Variants in DCC observed in about 807,000 individuals in gnomAD.
The protein encoded by DCC is DCC netrin 1 receptor.
A neutral mutation model predicts 172.5 loss-of-function variants in DCC; 58 were observed. That is an observed-to-expected ratio of 0.34 (90% confidence interval 0.27 to 0.42). DCC has a LOEUF of 0.42. DCC is among the 10% of genes least tolerant of loss of function. DCC has a pLI of 1.00. For missense variants in DCC, 1,740 were observed against 1,791.0 expected, an observed-to-expected ratio of 0.97 and a Z score of 0.51; for synonymous variants, 709 against 644.5, an observed-to-expected ratio of 1.10 and a Z score of -1.52.
At chr18:52,991,265 T>C (rs2041386191) in intron 5 of DCC, among the ~76,000 whole-genome samples, 1 of 152,090 alleles carries the variant, frequency 6.6e-6, no homozygotes, top group Non-Finnish European at 1.5e-5. Flanking sequence ...TAAATTTATC[T>C]TTTTTTGTTT....
intron 2 of DCC, among the ~76,000 whole-genome samples, chr18:52,790,935 T>C (rs2037753721): frequency 6.6e-6 from 1 of 152,178 alleles, no homozygotes; most frequent in Non-Finnish European, 1.5e-5. Flanking sequence ...TTTACTTGCC[T>C]AAGGTCCTGC....
At chr18:52,369,021 C>T (rs545096996) in intron 1 of DCC, among the ~76,000 whole-genome samples, 3 of 152,140 alleles carry the variant, frequency 2.0e-5, no homozygotes, top group African/African-American at 4.8e-5. Context: ...GTTATAGTAT[C>T]GGAGAGACTG....
At chr18:53,076,877 T>G (rs561505169) in intron 7 of DCC, among the ~76,000 whole-genome samples, 1 of 152,230 alleles carries the variant, frequency 6.6e-6, no homozygotes, top group Admixed American at 6.5e-5. Context: ...CAGCTTCTGG[T>G]GAGTAGCAGA....
intron 1 of DCC, among the ~76,000 whole-genome samples, chr18:52,581,397 C>A (rs536586584): frequency 1.5e-4 from 23 of 152,222 alleles, no homozygotes; most frequent in African/African-American, 5.3e-4. Flanking sequence ...TGAGAAAGAA[C>A]TTTACAACCT....
intron 1 of DCC, among the ~76,000 whole-genome samples, chr18:52,394,240 A>G (rs1442526766): frequency 1.3e-5 from 2 of 151,964 alleles, no homozygotes; most frequent in Admixed American, 6.6e-5. Flanking sequence ...TTACTTGAAT[A>G]CTATTTGCAA....
At chr18:52,404,550 T>C (rs543063634) in intron 1 of DCC, among the ~76,000 whole-genome samples, 3 of 152,162 alleles carry the variant, frequency 2.0e-5, no homozygotes, top group African/African-American at 7.2e-5. Flanking sequence ...TAAACCTGTA[T>C]GCAGAAATAC....
intron 2 of DCC, among the ~76,000 whole-genome samples, chr18:52,887,338 T>C (rs1180165842): frequency 3.3e-5 from 5 of 152,124 alleles, no homozygotes; most frequent in African/African-American, 1.2e-4. Context: ...TCAACATGTA[T>C]TTGCAGAAAT....
chr18:52,452,591 G>A lies in DCC; in HGVS notation c.91+111713G>A, dbSNP rs536011448. 1.9e-4 allele frequency among the ~76,000 whole-genome samples: 29 copies of A among 152,284 alleles called. 1 individual carries two copies. The highest frequency in any genetic ancestry group is 3.4e-3 in the Middle Eastern group (1 of 294). The stretch of plus-strand genomic sequence containing the variant: ...CAGAGCATCACTGTTCCAACAATGG[G>A]TGAACGTGAGCTGCCGTTGTTGCCA... On this transcript the variant is annotated intron_variant, in intron 1 of 28. Transcript: ENST00000442544.
At chr18:52,541,070 G>A (rs1406493352) in intron 1 of DCC, among the ~76,000 whole-genome samples, 3 of 152,158 alleles carry the variant, frequency 2.0e-5, no homozygotes, top group African/African-American at 7.2e-5. Context: ...TAGCTATCCG[G>A]TAAGCTAAGT....
intron 1 of DCC, among the ~76,000 whole-genome samples, chr18:52,717,892 C>T (rs1457747601): frequency 6.6e-6 from 1 of 152,108 alleles, no homozygotes; most frequent in African/African-American, 2.4e-5. Context: ...CTGAAAGATA[C>T]ATTTAAAAAT....
chr18:52,896,737 T>C (rs1230907424), intron 2 of DCC, among the ~76,000 whole-genome samples: 1 of 152,150 alleles, frequency 6.6e-6, no homozygotes, highest in Admixed American at 6.5e-5. Context: ...AAGATATTGA[T>C]GGGACAAGCC....
intron 7 of DCC, among the ~76,000 whole-genome samples, chr18:53,130,952 C>T (rs759241490): frequency 2.0e-5 from 3 of 151,844 alleles, no homozygotes; most frequent in East Asian, 1.9e-4. Flanking sequence ...GGCTTGAGGG[C>T]GATCGAATTA....
At chr18:53,386,911 A>C (rs1037195465) in intron 16 of DCC, among the ~76,000 whole-genome samples, 5 of 152,214 alleles carry the variant, frequency 3.3e-5, no homozygotes, top group African/African-American at 1.2e-4. Context: ...GTCCCTGGAA[A>C]GTCACTTGAC....
intron 1 of DCC, among the ~76,000 whole-genome samples, chr18:52,595,884 T>C (rs1011718080): frequency 1.3e-5 from 2 of 152,304 alleles, no homozygotes; most frequent in Non-Finnish European, 2.9e-5. Flanking sequence ...AGACCAAAAC[T>C]TCTGAGTTAC....
At chr18:52,835,621 A>G (rs774163948) in intron 2 of DCC, among the ~76,000 whole-genome samples, 5 of 152,240 alleles carry the variant, frequency 3.3e-5, no homozygotes, top group Admixed American at 6.5e-5. Context: ...ACTTTAGCAA[A>G]TTGAAATGGC....
intron 27 of DCC, among the ~76,000 whole-genome samples, chr18:53,509,383 A>G (rs980067059): frequency 3.3e-5 from 5 of 152,244 alleles, no homozygotes; most frequent in African/African-American, 1.2e-4. Context: ...GGACATGGCT[A>G]TCAAAAGCAG....
At chr18:52,879,438 T>TTTTTTTTTTTTTTTA (rs2039450932) in intron 2 of DCC, among the ~76,000 whole-genome samples, 1 of 114,090 alleles carries the variant, frequency 8.8e-6, no homozygotes, top group Non-Finnish European at 1.9e-5. Flanking sequence ...TTTTTTTTTT[T>TTTTTTTTTTTTTTTA]TTTGAGATGG....
rs115956542 is a variant in DCC at position 52,395,626 on chromosome 18, C to A, written c.91+54748C>A. On this transcript the variant is annotated intron_variant, in intron 1 of 28. Transcript: ENST00000442544. ...GTGTGATTCTAAGCAGATATGAAGT[C>A]CAGCTGAGAAGCCAGTCAAACTGAT... 8.2e-3 allele frequency among the ~76,000 whole-genome samples: 1,251 copies of A among 152,094 alleles called. 18 individuals carry two copies. The highest frequency in any genetic ancestry group is 0.028 in the African/African-American group (1,168 of 41,512).
chr18:53,219,958 C>T (rs150596131), intron 12 of DCC, among the ~76,000 whole-genome samples: 1 of 151,704 alleles, frequency 6.6e-6, no homozygotes, highest in Non-Finnish European at 1.5e-5. Flanking sequence ...TGCAGAAGGA[C>T]ATGCTTTTGA....
Sources: gnomAD v4.1 joint callset for allele counts (sites outside exome capture counted in the v4.1 genomes callset) on GRCh38, gnomAD v4.1.1 for gene constraint, MANE v1.5 for transcripts, NCBI Gene and HGNC (gene_info 2026-07-23, HGNC 2026-07-21) for gene names.